The following PRCC variants were observed in gnomAD, a reference collection of about 807,000 sequenced individuals.
PRCC encodes the protein proline rich mitotic checkpoint control factor.
A neutral mutation model predicts 44.0 loss-of-function variants in PRCC; 10 were observed. That is an observed-to-expected ratio of 0.23 (90% CI 0.14 to 0.39). The LOEUF (loss-of-function observed/expected upper bound fraction) is 0.39, where lower values mean the gene tolerates loss of function less well. PRCC is among the 10% of genes least tolerant of loss of function. The pLI is 1.00. For synonymous variants in PRCC, 278 were observed against 259.5 expected (o/e 1.07, Z -0.69); for missense variants, 573 against 624.7 (o/e 0.92, Z 0.88).
intron 1 of PRCC, 27 bp from the exon 2 acceptor site, chr1:156,782,255 G>A: frequency 6.4e-7 from 1 of 1,572,948 alleles, no homozygotes; most frequent in Non-Finnish European, 8.7e-7. Flanking sequence ...AAACAGTGAG[G>A]CCTTACTTCA....
chr1:156,769,829 T>A (rs1651561797), intron 1 of PRCC, among the ~76,000 whole-genome samples: 1 of 152,154 alleles, frequency 6.6e-6, no homozygotes, highest in East Asian at 1.9e-4. Flanking sequence ...CTCGATCTCC[T>A]GACCTCGTGA....
At chr1:156,787,446 GATTGATATATATATATATAT>G (rs1440738641) in intron 3 of PRCC, among the ~76,000 whole-genome samples, 1,484 of 111,736 alleles carry the variant, frequency 0.013, 33 homozygotes, top group South Asian at 0.018. Flanking sequence ...ACATATTTGT[GATTGATATATATATATATAT>G]ATATATATAT....
At chr1:156,768,302 CAT>C (rs1442922140) in intron 1 of PRCC, 63 bp downstream of exon 1, 11 of 1,474,350 alleles carry the variant, frequency 7.5e-6, no homozygotes, top group African/African-American at 4.2e-5. Flanking sequence ...GTAGGAGGGA[CAT>C]GTGGAGATTT....
At chr1:156,787,855 G>A (rs113724141) in intron 3 of PRCC, among the ~76,000 whole-genome samples, 28,682 of 149,730 alleles carry the variant, frequency 0.19, 2,952 homozygotes, top group Admixed American at 0.26. Context: ...TTTTTGAGAC[G>A]GAGTCTTGCT....
chr1:156,768,520 C>G (rs1308564664), intron 1 of PRCC, among the ~76,000 whole-genome samples: 1 of 152,182 alleles, frequency 6.6e-6, no homozygotes, highest in Non-Finnish European at 1.5e-5. Context: ...TCCGCTCCCC[C>G]TTCTTTGCAT....
rs1652602519 is a variant in PRCC, at chr1:156,794,792, T to C, written c.1307T>C (p.Met436Thr). ...AAGTCATTGACAGAAGAGAAAACCA[T>C]GAAGTCATTCAGCAAAGTAAGTGGG... ...MTKSLTEEKT[M>T]KSFSKKKGEQ... Residue 436 changes from methionine to threonine, a missense_variant, in exon 5 of 7, where the codon ATG (methionine) becomes ACG (threonine). Met to Thr is a moderately conservative substitution (Grantham distance 81). This residue lies in a region of PRCC where 69 missense variants were observed against 139.3 expected (regional missense o/e 0.50). Coordinates refer to ENST00000271526, the MANE Select transcript of PRCC (RefSeq NM_005973.5). 1 of 1,614,046 alleles carries C rather than the reference T, an allele frequency of 6.2e-7. No individual in the cohort carries two copies. The highest frequency in any genetic ancestry group is 8.5e-7 in the Non-Finnish European group (1 of 1,180,032).
At position 156,774,157 on chromosome 1, in the gene PRCC, CTTTTTTTTTTTTTTTTTTTT is replaced by C. The variant is rs76271348; in HGVS notation, c.468+5935_468+5954del. ...GAGTTTCTTTCTTTTTTTGAGTCAC[CTTTTTTTTTTTTTTTTTTTT>C]TTTTTTTTTTTTTTTTGAGACAGAG... is the stretch of plus-strand genomic sequence containing the variant. On this transcript the variant is annotated intron_variant, in intron 1 of 6. Transcript: ENST00000271526. 1.9e-4 allele frequency among the ~76,000 whole-genome samples: 10 copies of C among 54,004 alleles called. 1 individual carries two copies. The highest frequency in any genetic ancestry group is 2.8e-4 in the Admixed American group (1 of 3,550). 35.4% of individuals were successfully genotyped at this position (54,004 alleles called of 152,430 possible). A position where few individuals can be genotyped will look rare whatever the true frequency, so the allele number is the denominator to read the frequency against.
At chr1:156,791,233 C>A in intron 3 of PRCC, 2 of 1,115,624 alleles carry the variant, frequency 1.8e-6, no homozygotes, top group African/African-American at 1.5e-5. Flanking sequence ...CCGGTTTAGA[C>A]TGTTTCCCTG....
Position 156,797,310 on chromosome 1 carries a change from G to A in PRCC, c.1358G>A (p.Arg453Gln). ...KGEQPTGQQR[R>Q]KHQITYLIHQ... is the part of the protein sequence containing the mutation. The stretch of plus-strand genomic sequence containing the variant: ...GAGCAGCCAACAGGCCAGCAGCGGC[G>A]GAAACACCAGATCACATATCTTATT... Residue 453 changes from arginine to glutamine, a missense_variant, in exon 6 of 7, where the codon CGG becomes CAG. Physicochemically the swap from Arg to Gln is conservative, Grantham distance 43. Coordinates refer to ENST00000271526, the MANE Select transcript of PRCC (RefSeq NM_005973.5). 3 of 1,614,144 alleles carry A rather than the reference G, an allele frequency of 1.9e-6. No individual in the cohort carries two copies. The highest frequency in any genetic ancestry group is 1.7e-6 in the Non-Finnish European group (2 of 1,180,022).
At chr1:156,795,285 G>GTTT (rs35911411) in intron 5 of PRCC, among the ~76,000 whole-genome samples, 507 of 36,044 alleles carry the variant, frequency 0.014, 57 homozygotes, top group South Asian at 0.02. Context: ...ATTTTCTGGT[G>GTTT]TTTTTTTTTT....
In PRCC at chr1:156,791,721, C is replaced by A. The variant is rs1394045887; in HGVS notation, c.1108C>A (p.Pro370Thr). The change falls in exon 4 of 7, where the codon CCT (proline) becomes ACT (threonine). Residue 370 changes from proline (P) to threonine (T), a missense_variant. This residue lies in a region of PRCC where 141 missense variants were observed against 130.2 expected (regional missense o/e 1.08). Coordinates refer to ENST00000271526, the MANE Select transcript of PRCC (RefSeq NM_005973.5). Reference sequence around the variant, plus strand: ...GGATTATTACAGTGGTGGCTACTATCCTGCACAGGACCCGGCCCTGGTCCC... The same window carrying A: ...GGATTATTACAGTGGTGGCTACTATACTGCACAGGACCCGGCCCTGGTCCC... ...YQDYYSGGYY[P>T]AQDPALVPPQ... 3.1e-6 allele frequency: 5 copies of A among 1,613,750 alleles called. No homozygotes were observed. The highest frequency in any genetic ancestry group is 2.7e-5 in the African/African-American group (2 of 74,858).
intron 3 of PRCC, chr1:156,791,184 T>C: frequency 1.5e-6 from 2 of 1,374,132 alleles, no homozygotes; most frequent in African/African-American, 1.4e-5. Context: ...TGTATCCTAA[T>C]AGTGGTTATT....
chr1:156,787,486 TA>T (rs1652309696), intron 3 of PRCC, among the ~76,000 whole-genome samples: 1 of 60,162 alleles, frequency 1.7e-5, no homozygotes, highest in African/African-American at 5.5e-5. Context: ...TATATATATA[TA>T]TATATATATA....
chr1:156,792,610 T>C (rs570987090), intron 4 of PRCC, among the ~76,000 whole-genome samples: 3 of 152,050 alleles, frequency 2.0e-5, no homozygotes, highest in Non-Finnish European at 2.9e-5. Flanking sequence ...TGTGCCACCA[T>C]GTCCAGCTAA....
At chr1:156,774,140 T>G in intron 1 of PRCC, among the ~76,000 whole-genome samples, 1 of 148,762 alleles carries the variant, frequency 6.7e-6, no homozygotes, top group African/African-American at 2.5e-5. Flanking sequence ...CGGAGTTTCT[T>G]TCTTTTTTTG....
rs531135622 is a variant in PRCC, at chr1:156,767,964, C to T, written c.193C>T (p.Pro65Ser). ...GATGCTGGCGCCAGCCTTTCCCCCG[C>T]CGCTGTTGCTTCCCCCACCCACCGG... Reference protein sequence around the residue: ...PQMLAPAFPPPLLLPPPTGDP... With the variant: ...PQMLAPAFPPSLLLPPPTGDP... The change falls in exon 1 of 7, where the codon CCG (proline) becomes TCG (serine). Residue 65 changes from proline to serine, a missense_variant. Pro to Ser is a moderately conservative substitution (Grantham distance 74). Transcript: ENST00000271526. 3 of 1,585,592 alleles carry T rather than the reference C, an allele frequency of 1.9e-6. No individual in the cohort carries two copies. The African/African-American group carries it at 4.0e-5, about 21-fold the overall frequency.
intron 3 of PRCC, among the ~76,000 whole-genome samples, chr1:156,787,438 A>C (rs1310597587): frequency 1.4e-5 from 2 of 140,872 alleles, no homozygotes; most frequent in East Asian, 4.0e-4. Context: ...ATATTTGTAC[A>C]TATTTGTGAT....
At position 156,794,744 on chromosome 1, in the gene PRCC, G is replaced by T. The variant is rs761304173; in HGVS notation, c.1259G>T (p.Ser420Ile). The change falls in exon 5 of 7, where the codon AGT (serine) becomes ATT (isoleucine). Residue 420 changes from serine (S) to isoleucine (I), a missense_variant. Ser to Ile is a moderately radical substitution (Grantham distance 142). This residue lies in a region of PRCC where 69 missense variants were observed against 139.3 expected (regional missense o/e 0.50). Coordinates refer to ENST00000271526, the MANE Select transcript of PRCC (RefSeq NM_005973.5). ...FVEIKGDDQL[S>I]GAQQWMTKSL... Reference sequence around the variant, plus strand: ...GAGATCAAAGGTGATGACCAGCTCAGTGGGGCCCAGCAATGGATGACTAAG... The same window carrying T: ...GAGATCAAAGGTGATGACCAGCTCATTGGGGCCCAGCAATGGATGACTAAG... The T allele has an allele frequency of 8.7e-6, 14 of 1,614,120 alleles. No individual in the cohort carries two copies. The highest frequency in any genetic ancestry group is 5.0e-5 in the Admixed American group (3 of 59,996).
chr1:156,791,202 A>T, intron 3 of PRCC: 1 of 1,315,850 alleles, frequency 7.6e-7, no homozygotes, highest in Non-Finnish European at 1.0e-6. Flanking sequence ...ATTTTAAATC[A>T]GAGATCTATA....
Sources: gnomAD v4.1 joint callset for allele counts (sites outside exome capture counted in the v4.1 genomes callset) on GRCh38, gnomAD v4.1.1 for gene constraint, gnomAD v4.1.1 regional missense constraint, MANE v1.5 for transcripts, NCBI Gene and HGNC (gene_info 2026-07-23, HGNC 2026-07-21) for gene names.